The following RC3H2 variants were observed in gnomAD, a reference collection of about 807,000 sequenced individuals.
RC3H2 encodes the protein roquin-2.
RC3H2 carries 31 observed loss-of-function variants against 133.3 expected under a neutral mutation model. The observed-to-expected ratio is 0.23, with a 90% CI of 0.17 to 0.31. The LOEUF is 0.31. Ranked by LOEUF, RC3H2 falls within the 10% of genes least tolerant of loss-of-function variation. RC3H2 has a pLI of 1.00. For synonymous variants in RC3H2, 517 were observed against 502.2 expected, an observed-to-expected ratio of 1.03 and a Z score of -0.40; for missense variants, 1,175 against 1,437.2, an observed-to-expected ratio of 0.82 and a Z score of 2.95.
Position 122,880,017 on chromosome 9 carries a change from G to T in RC3H2, c.1069C>A (p.Leu357Ile). Reference protein sequence around the residue: ...LNRLRPHLELLANIDPNPDAV... With the variant: ...LNRLRPHLELIANIDPNPDAV... The stretch of plus-strand genomic sequence containing the variant: ...CCTGGATTAGGGTCTATGTTTGCAA[G>T]AAGCTCTAAATGAGGCCTCAGTCTA... Residue 357 changes from leucine to isoleucine, a missense_variant, in exon 7 of 21, where the codon CTT becomes ATT. By Grantham distance (5) the Leu-to-Ile change is conservative. This residue lies in a region of RC3H2 where 131 missense variants were observed against 154.2 expected (regional missense o/e 0.85). Coordinates refer to ENST00000357244, the MANE Select transcript of RC3H2 (RefSeq NM_001100588.3). 6.2e-7 allele frequency: 1 copy of T among 1,614,158 alleles called. No homozygotes were observed. Among genetic ancestry groups the T allele is most frequent in the Non-Finnish European group, 8.5e-7 (1 of 1,180,024 alleles).
chr9:122,862,437 G>A (rs955092567), intron 10 of RC3H2, among the ~76,000 whole-genome samples: 30 of 152,052 alleles, frequency 2.0e-4, no homozygotes, highest in African/African-American at 5.6e-4. Context: ...CCATCCACAA[G>A]GCCCTTCCTT....
At chr9:122,899,948 T>G (rs997517761) in intron 1 of RC3H2, among the ~76,000 whole-genome samples, 1 of 152,184 alleles carries the variant, frequency 6.6e-6, no homozygotes, top group East Asian at 1.9e-4. Context: ...CCAAAGCCTT[T>G]CTGAAATGCT....
chr9:122,860,217 T>C (rs1429698054), intron 10 of RC3H2, 86 bp from the exon 11 acceptor site: 1 of 1,006,080 alleles, frequency 9.9e-7, no homozygotes, highest in African/African-American at 1.6e-5. Context: ...AAAATTATAT[T>C]CTGAAACCAC....
At chr9:122,851,578 G>C in intron 18 of RC3H2, 142 bp from the exon 19 acceptor site, 1 of 1,111,898 alleles carries the variant, frequency 9.0e-7, no homozygotes, top group Non-Finnish European at 1.2e-6. Context: ...TGCCATCTCG[G>C]CTCACTGCAA....
At chr9:122,880,393 T>C in intron 6 of RC3H2, 1 of 687,078 alleles carries the variant, frequency 1.5e-6, no homozygotes. Flanking sequence ...GCTTTTATGC[T>C]AGTATCATGT....
At position 122,859,048 on chromosome 9, in the gene RC3H2, C is replaced by T. The variant is rs377669334; in HGVS notation, c.1904G>A (p.Arg635His). ...TGGAACGTTATTGGACCTCACAAAG[C>T]GAGGAACACAGGGAGCCACACCAGC... ...VPAGVAPCVP[R>H]FVRSNNVPES... Residue 635 changes from arginine (R) to histidine (H), a missense_variant, in exon 12 of 21, where the codon CGC becomes CAC. By Grantham distance (29) the Arg-to-His change is conservative. This residue lies in a region of RC3H2 where 490 missense variants were observed against 492.8 expected (regional missense o/e 0.99). Coordinates refer to ENST00000357244, the MANE Select transcript of RC3H2 (RefSeq NM_001100588.3). 3.7e-6 allele frequency: 6 copies of T among 1,608,988 alleles called. No individual in the cohort carries two copies. Among genetic ancestry groups the T allele is most frequent in the South Asian group, 2.2e-5 (2 of 90,508 alleles).
chr9:122,876,975 G>A (rs1173642493), intron 9 of RC3H2, among the ~76,000 whole-genome samples: 1 of 152,154 alleles, frequency 6.6e-6, no homozygotes, highest in African/African-American at 2.4e-5. Flanking sequence ...TTCTGCACAG[G>A]TGCTCAGTAT....
intron 4 of RC3H2, among the ~76,000 whole-genome samples, chr9:122,884,657 A>G (rs931323463): frequency 6.6e-6 from 1 of 152,124 alleles, no homozygotes; most frequent in Non-Finnish European, 1.5e-5. Context: ...GTTCGAGACC[A>G]TCCTGGCCAA....
chr9:122,891,755 A>G (rs573410022), intron 3 of RC3H2, among the ~76,000 whole-genome samples: 1 of 152,362 alleles, frequency 6.6e-6, no homozygotes, highest in African/African-American at 2.4e-5. Context: ...ATGGCCACAT[A>G]CACAACAGTG....
intron 10 of RC3H2, among the ~76,000 whole-genome samples, chr9:122,860,803 T>C (rs568520486): frequency 8.0e-5 from 12 of 149,934 alleles, no homozygotes; most frequent in Admixed American, 2.0e-4. Context: ...ACCGAAAAAA[T>C]ATAGTCCATT....
chr9:122,901,858 G>A (rs534292208), intron 1 of RC3H2, among the ~76,000 whole-genome samples: 1 of 151,602 alleles, frequency 6.6e-6, no homozygotes, highest in Admixed American at 6.6e-5. Flanking sequence ...CAAAGTCCTG[G>A]GATTACAGGC....
rs1183512993 is a variant in RC3H2 at position 122,899,090 on chromosome 9, G to GTTTT, written c.-67-1518_-67-1515dup. ...AAAAAATTCTATTAGCCTTTATTGT[G>GTTTT]TTTTTTTTTTTTTTTTTTTTTTTTT... On this transcript the variant is annotated intron_variant, in intron 1 of 20. Transcript: ENST00000357244. Among the ~76,000 whole-genome samples the GTTTT allele has an allele frequency of 5.1e-4, 45 of 88,384 alleles. 2 individuals are homozygous for GTTTT. Among genetic ancestry groups the GTTTT allele is most frequent in the African/African-American group, 2.1e-3 (44 of 20,782 alleles). The allele number at this position is 88,384 out of a possible 152,430, so 58.0% of individuals were successfully genotyped here. A position where few individuals can be genotyped will look rare whatever the true frequency, so the allele number is the denominator to read the frequency against.
At chr9:122,855,492 G>GTTAAT (rs1830208870) in intron 14 of RC3H2, 95 bp from the exon 15 acceptor site, 3 of 1,259,148 alleles carry the variant, frequency 2.4e-6, no homozygotes, top group Non-Finnish European at 1.1e-6. Context: ...AGGTTTTTTG[G>GTTAAT]TTAATTTAAA....
At chr9:122,868,711 C>T (rs572928233) in intron 9 of RC3H2, among the ~76,000 whole-genome samples, 1 of 151,790 alleles carries the variant, frequency 6.6e-6, no homozygotes, top group South Asian at 2.1e-4. Flanking sequence ...AAATCCCCCT[C>T]TGTGAGAAAC....
intron 9 of RC3H2, among the ~76,000 whole-genome samples, chr9:122,867,244 C>A (rs1283317273): frequency 4.4e-5 from 4 of 91,252 alleles, no homozygotes; most frequent in Non-Finnish European, 4.6e-5. Context: ...GGGGATCAGC[C>A]CCCCGCCCGG....
At chr9:122,871,874 AATTATT>A (rs757470472) in intron 9 of RC3H2, among the ~76,000 whole-genome samples, 9 of 151,884 alleles carry the variant, frequency 5.9e-5, no homozygotes, top group African/African-American at 1.7e-4. Context: ...CCAAGTGCCC[AATTATT>A]ATTATTATTT....
At chr9:122,883,827 T>A (rs1007400439) in intron 4 of RC3H2, among the ~76,000 whole-genome samples, 1 of 151,558 alleles carries the variant, frequency 6.6e-6, no homozygotes, top group Non-Finnish European at 1.5e-5. Context: ...ACAAAAAAAA[T>A]GTTAAATATT....
intron 1 of RC3H2, among the ~76,000 whole-genome samples, chr9:122,899,003 G>A (rs1275177769): frequency 1.3e-5 from 2 of 148,866 alleles, no homozygotes; most frequent in African/African-American, 5.0e-5. Flanking sequence ...GTTTAAAAAT[G>A]TAGTCACATT....
intron 1 of RC3H2, among the ~76,000 whole-genome samples, chr9:122,903,932 T>C (rs1245767834): frequency 6.6e-6 from 1 of 152,232 alleles, no homozygotes; most frequent in Non-Finnish European, 1.5e-5. Context: ...ATATTCTTAA[T>C]ATCGTAAAAA....
Sources: gnomAD v4.1 joint callset for allele counts (sites outside exome capture counted in the v4.1 genomes callset) on GRCh38, gnomAD v4.1.1 for gene constraint, gnomAD v4.1.1 regional missense constraint, MANE v1.5 for transcripts, NCBI Gene and HGNC (gene_info 2026-07-23, HGNC 2026-07-21) for gene names.